SDK1: variants seen among roughly 807,000 people sequenced by gnomAD.
SDK1 encodes sidekick cell adhesion molecule 1, also known as protein sidekick-1.
In SDK1, 157 loss-of-function variants were observed where a neutral mutation model predicts 245.5. That is an observed-to-expected ratio of 0.64 (90% CI 0.56 to 0.73). SDK1 has a LOEUF of 0.73. Ranked by LOEUF, SDK1 falls within the 30% of genes least tolerant of loss-of-function variation. The pLI, the probability that SDK1 is intolerant of heterozygous loss-of-function variation, is 0.00. For synonymous variants in SDK1, 1,647 were observed against 1,278.5 expected (o/e 1.29, Z -6.15); for missense variants, 3,583 against 3,002.3 (o/e 1.19, Z -4.52).
chr7:4,061,459 A>G (rs923267001), intron 19 of SDK1, among the ~76,000 whole-genome samples: 10 of 151,888 alleles, frequency 6.6e-5, no homozygotes, highest in African/African-American at 1.2e-4. Flanking sequence ...TTAGAATGGC[A>G]ATCATTAAAA....
intron 5 of SDK1, among the ~76,000 whole-genome samples, chr7:3,946,390 G>T (rs1180450313): frequency 6.6e-6 from 1 of 152,078 alleles, no homozygotes; most frequent in Non-Finnish European, 1.5e-5. Flanking sequence ...ATGTTGCCCA[G>T]GCTGGTCTCA....
At chr7:3,570,108 G>C (rs957462033) in intron 1 of SDK1, among the ~76,000 whole-genome samples, 1 of 152,220 alleles carries the variant, frequency 6.6e-6, no homozygotes, top group Non-Finnish European at 1.5e-5. Flanking sequence ...CCAGTGTCCA[G>C]TTGGTTTGGG....
At chr7:3,674,974 C>G (rs923126633) in intron 4 of SDK1, among the ~76,000 whole-genome samples, 1 of 152,108 alleles carries the variant, frequency 6.6e-6, no homozygotes, top group Non-Finnish European at 1.5e-5. Flanking sequence ...ACCTGAGGAA[C>G]AATAGTCTTC....
intron 1 of SDK1, among the ~76,000 whole-genome samples, chr7:3,550,887 T>C (rs1328119783): frequency 6.6e-6 from 1 of 152,232 alleles, no homozygotes; most frequent in Non-Finnish European, 1.5e-5. Context: ...AATACTGCTG[T>C]GGAGCCTAGT....
At chr7:3,587,763 T>C (rs1200444302) in intron 1 of SDK1, among the ~76,000 whole-genome samples, 1 of 152,242 alleles carries the variant, frequency 6.6e-6, no homozygotes, top group African/African-American at 2.4e-5. Context: ...TTGACAAAAG[T>C]ACACTGCCCC....
chr7:3,887,866 T>TAGAATTTCAATAA (rs1781373349), intron 5 of SDK1, among the ~76,000 whole-genome samples: 1 of 152,226 alleles, frequency 6.6e-6, no homozygotes, highest in South Asian at 2.1e-4. Flanking sequence ...CAATATTTCT[T>TAGAATTTCAATAA]TCCGCCTTAG....
At chr7:3,978,260 T>G (rs1488936573) in intron 13 of SDK1, among the ~76,000 whole-genome samples, 6 of 152,190 alleles carry the variant, frequency 3.9e-5, no homozygotes, top group Admixed American at 2.0e-4. Context: ...GAAGCCAAAT[T>G]GCATACTTCC....
intron 3 of SDK1, among the ~76,000 whole-genome samples, chr7:3,640,937 C>T (rs943886226): frequency 1.3e-5 from 2 of 152,074 alleles, no homozygotes; most frequent in African/African-American, 4.8e-5. Flanking sequence ...CCGCCTCGGC[C>T]TCCCAAAGTG....
chr7:3,481,313 A>G (rs1781514021), intron 1 of SDK1, among the ~76,000 whole-genome samples: 1 of 152,136 alleles, frequency 6.6e-6, no homozygotes, highest in Non-Finnish European at 1.5e-5. Flanking sequence ...CTGGACTTGA[A>G]CTCTGTTCAT....
intron 5 of SDK1, among the ~76,000 whole-genome samples, chr7:3,911,111 T>C (rs1779147157): frequency 6.6e-6 from 1 of 152,212 alleles, no homozygotes; most frequent in African/African-American, 2.4e-5. Flanking sequence ...CTCTGCAGTC[T>C]TTGTAACTGG....
chr7:4,265,126 C>G lies in SDK1; in HGVS notation c.6384C>G (p.Ala2128=), dbSNP rs759508379. The G allele has an allele frequency of 1.2e-6, 2 of 1,611,252 alleles. No individual in the cohort carries two copies. The highest frequency in any genetic ancestry group is 3.3e-5 in the Admixed American group (2 of 59,952). Residue 2128 remains alanine (A), a splice_region_variant and synonymous_variant, in exon 45 of 45, where the codon GCC becomes GCG. Transcript: ENST00000404826. The stretch of plus-strand genomic sequence containing the variant: ...ACCTTCTCTCCCGCTCCCCGCAGGC[C>G]ACGGACTCTGACTACGAGGACGCGC... The part of the protein sequence containing the change: ...EKSADASESE[A]TDSDYEDALP...
intron 13 of SDK1, among the ~76,000 whole-genome samples, chr7:3,978,419 G>T (rs1468989365): frequency 6.6e-6 from 1 of 152,092 alleles, no homozygotes; most frequent in Non-Finnish European, 1.5e-5. Flanking sequence ...TTTCTCTAAC[G>T]GTAAAACATC....
rs764024583 is a variant in SDK1, at chr7:3,951,719, C to G, written c.960-11C>G. ...CACAATCGTCGTCATGAATGCCTTT[C>G]ATTCCCACAGGCCTGTGGAGGACCT... is the stretch of plus-strand genomic sequence containing the variant. On this transcript the variant is annotated splice_polypyrimidine_tract_variant and intron_variant, in intron 6 of 44. Coordinates refer to ENST00000404826, the MANE Select transcript of SDK1 (RefSeq NM_152744.4). The G allele has an allele frequency of 1.9e-6, 3 of 1,611,394 alleles. No individual in the cohort carries two copies. In the Admixed American group the frequency reaches 5.0e-5, roughly 27 times the overall value.
At chr7:3,476,391 G>A (rs1781348739) in intron 1 of SDK1, among the ~76,000 whole-genome samples, 1 of 152,126 alleles carries the variant, frequency 6.6e-6, no homozygotes, top group Non-Finnish European at 1.5e-5. Flanking sequence ...AAAGGTGAGT[G>A]GTAGTTCCAG....
At chr7:3,996,150 A>G (rs1488700301) in intron 14 of SDK1, among the ~76,000 whole-genome samples, 1 of 152,160 alleles carries the variant, frequency 6.6e-6, no homozygotes, top group East Asian at 1.9e-4. Context: ...AACATGATTT[A>G]TTAAATAATC....
chr7:4,112,058 C>A (rs1239635948), intron 23 of SDK1, among the ~76,000 whole-genome samples: 1 of 152,186 alleles, frequency 6.6e-6, no homozygotes, highest in Admixed American at 6.5e-5. Context: ...GTTGAGGATG[C>A]ACCCGTGACC....
chr7:4,191,820 C>G (rs959625610), intron 35 of SDK1, among the ~76,000 whole-genome samples: 2 of 152,340 alleles, frequency 1.3e-5, no homozygotes, highest in Non-Finnish European at 2.9e-5. Context: ...GAGGGAAGCG[C>G]CATCTCCACA....
chr7:3,746,060 A>G (rs1228702336), intron 4 of SDK1, among the ~76,000 whole-genome samples: 1 of 152,162 alleles, frequency 6.6e-6, no homozygotes, highest in Non-Finnish European at 1.5e-5. Context: ...TGAGAGGATT[A>G]AAGAATATAA....
At chr7:3,961,674 A>G (rs761216322) in intron 8 of SDK1, among the ~76,000 whole-genome samples, 9 of 152,198 alleles carry the variant, frequency 5.9e-5, no homozygotes, top group Non-Finnish European at 5.9e-5. Context: ...CTGAGACAGT[A>G]GAACTCCATG....
Sources: allele counts gnomAD v4.1 joint callset (sites outside exome capture counted in the v4.1 genomes callset), GRCh38; gene constraint gnomAD v4.1.1; transcripts MANE v1.5; gene names NCBI Gene and HGNC (gene_info 2026-07-23, HGNC 2026-07-21).